Variants in CDYL2 observed in about 807,000 individuals in gnomAD.
CDYL2 encodes chromodomain Y like 2.
A neutral mutation model predicts 49.4 loss-of-function variants in CDYL2; 23 were observed. The ratio of observed to expected loss-of-function variants is 0.47; its 90% CI spans 0.34 to 0.66. CDYL2 has a LOEUF of 0.66. CDYL2 is among the 30% of genes least tolerant of loss of function. The probability of loss-of-function intolerance (pLI) is 0.01; values close to 1 mark genes in which losing one functional copy is unlikely to be tolerated. For missense variants in CDYL2, 678 were observed against 656.4 expected, an observed-to-expected ratio of 1.03 and a Z score of -0.36; for synonymous variants, 360 against 268.8, an observed-to-expected ratio of 1.34 and a Z score of -3.32.
At position 80,757,549 on chromosome 16, in the gene CDYL2, A is replaced by AT. The variant is rs1404612062; in HGVS notation, c.24+46600_24+46601insA. 7.3e-3 allele frequency among the ~76,000 whole-genome samples: 1,070 copies of AT among 146,390 alleles called. 7 individuals are homozygous for AT. The highest frequency in any genetic ancestry group is 0.022 in the African/African-American group (816 of 37,420). On this transcript the variant is annotated intron_variant, in intron 1 of 6. Coordinates refer to ENST00000570137, the MANE Select transcript of CDYL2 (RefSeq NM_152342.4). Reference sequence around the variant, plus strand: ...GCAAGACTCTGTCTCAAAAAAAAAAAAAAAATATATATATATATACACACA... The same window carrying AT: ...GCAAGACTCTGTCTCAAAAAAAAAAATAAAAATATATATATATATACACACA...
At chr16:80,778,736 A>G (rs1429080999) in intron 1 of CDYL2, among the ~76,000 whole-genome samples, 2 of 152,084 alleles carry the variant, frequency 1.3e-5, no homozygotes, top group Non-Finnish European at 2.9e-5. Context: ...TTTTGGAAAG[A>G]AATGGACTTG....
rs1362589212 is a variant in CDYL2 at position 80,677,753 on chromosome 16, A to T, written c.616+6785T>A. ...GACTCCATCTCAAAAAAATAAAAAT[A>T]AAAATAAAAATAAATAAATAAATAA... On this transcript the variant is annotated intron_variant, in intron 2 of 6. Coordinates refer to ENST00000570137, the MANE Select transcript of CDYL2 (RefSeq NM_152342.4). Among the ~76,000 whole-genome samples, 3 of 151,230 alleles carry T rather than the reference A, an allele frequency of 2.0e-5. No individual in the cohort carries two copies. The East Asian group carries it at 5.8e-4, about 29-fold the overall frequency.
intron 1 of CDYL2, among the ~76,000 whole-genome samples, chr16:80,781,670 A>C (rs1041872857): frequency 6.6e-6 from 1 of 152,146 alleles, no homozygotes; most frequent in African/African-American, 2.4e-5. Context: ...TTAAAATCTG[A>C]GAAAAAAAAG....
intron 1 of CDYL2, among the ~76,000 whole-genome samples, chr16:80,714,914 G>A (rs1904743995): frequency 1.3e-5 from 2 of 152,094 alleles, no homozygotes; most frequent in South Asian, 4.1e-4. Flanking sequence ...GGATTAAAAG[G>A]TGTTTCCATC....
At chr16:80,684,203 G>A (rs894116189) in intron 2 of CDYL2, among the ~76,000 whole-genome samples, 2 of 152,186 alleles carry the variant, frequency 1.3e-5, no homozygotes, top group Non-Finnish European at 2.9e-5. Context: ...CTTGGGTCCT[G>A]GGGGTGAGGA....
At chr16:80,752,782 C>T (rs561583977) in intron 1 of CDYL2, among the ~76,000 whole-genome samples, 4 of 152,300 alleles carry the variant, frequency 2.6e-5, no homozygotes, top group African/African-American at 9.6e-5. Context: ...CCCGCTGTGG[C>T]TGATGTCAGC....
intron 1 of CDYL2, among the ~76,000 whole-genome samples, chr16:80,713,449 C>T (rs569359483): frequency 6.5e-4 from 99 of 152,222 alleles, no homozygotes; most frequent in African/African-American, 2.3e-3. Context: ...CCATAGGTTA[C>T]TGTTCAGGAT....
chr16:80,803,481 A>C, intron 1 of CDYL2, among the ~76,000 whole-genome samples: 2 of 149,118 alleles, frequency 1.3e-5, no homozygotes, highest in East Asian at 2.0e-4. Flanking sequence ...GGCCACCCCC[A>C]CGCCCGAGCC....
At chr16:80,773,598 A>G (rs1906981076) in intron 1 of CDYL2, among the ~76,000 whole-genome samples, 2 of 152,334 alleles carry the variant, frequency 1.3e-5, no homozygotes, top group Admixed American at 6.5e-5. Flanking sequence ...AAAGTTAAAT[A>G]TCAGAGTATG....
chr16:80,706,252 C>T (rs1904401167), intron 1 of CDYL2, among the ~76,000 whole-genome samples: 1 of 152,220 alleles, frequency 6.6e-6, no homozygotes, highest in African/African-American at 2.4e-5. Context: ...AGTAACCTCT[C>T]GAGAACTTCA....
rs1005040489 is a variant in CDYL2, at chr16:80,602,769, G to A, written c.*1619C>T. 8.5e-5 allele frequency: 13 copies of A among 152,244 alleles called. No homozygotes were observed. The highest frequency in any genetic ancestry group is 1.2e-4 in the African/African-American group (5 of 41,440). The allele number at this position is 152,244 out of a possible 1,614,324, so 9.4% of individuals were successfully genotyped here. On this transcript the variant is annotated 3_prime_UTR_variant, in exon 7 of 7. Transcript: ENST00000570137. Reference sequence around the variant, plus strand: ...GAGGGCCAAGGGCCTCCAGGAATACGCAGGGGCTGTGATAGAAACGGAAAA... The same window carrying A: ...GAGGGCCAAGGGCCTCCAGGAATACACAGGGGCTGTGATAGAAACGGAAAA...
At position 80,604,349 on chromosome 16, in the gene CDYL2, G is replaced by A; in HGVS notation, c.*39C>T. The A allele has an allele frequency of 6.2e-7, 1 of 1,611,964 alleles. No homozygotes were observed. Among genetic ancestry groups the A allele is most frequent in the South Asian group, 1.1e-5 (1 of 91,038 alleles). On this transcript the variant is annotated 3_prime_UTR_variant, in exon 7 of 7. Transcript: ENST00000570137. Reference sequence around the variant, plus strand: ...CTGTGCTCTGGTTTCCGAAACACAGGGCAGAGCTGGAAGTTGGGGGCCCGT... The same window carrying A: ...CTGTGCTCTGGTTTCCGAAACACAGAGCAGAGCTGGAAGTTGGGGGCCCGT...
chr16:80,732,616 C>T (rs755965660), intron 1 of CDYL2, among the ~76,000 whole-genome samples: 3 of 152,124 alleles, frequency 2.0e-5, no homozygotes, highest in Non-Finnish European at 2.9e-5. Context: ...AATTTTGTAC[C>T]ATGAGCATGT....
intron 2 of CDYL2, among the ~76,000 whole-genome samples, chr16:80,682,549 G>A (rs909491843): frequency 6.6e-5 from 10 of 152,166 alleles, no homozygotes; most frequent in Admixed American, 3.3e-4. Flanking sequence ...TATGAGTCTG[G>A]CTTCTCTCCT....
At chr16:80,610,144 A>G (rs1179732917) in intron 5 of CDYL2, among the ~76,000 whole-genome samples, 1 of 152,214 alleles carries the variant, frequency 6.6e-6, no homozygotes, top group Non-Finnish European at 1.5e-5. Flanking sequence ...AGGAAAAGGG[A>G]CAATGCTTAT....
chr16:80,750,750 T>C lies in CDYL2; in HGVS notation c.24+53400A>G, dbSNP rs931676464. On this transcript the variant is annotated intron_variant, in intron 1 of 6. Transcript: ENST00000570137. ...ATAAACTATTTCAGGCTGGGCGCAG[T>C]GGCTCACGCCCGTAATCCCAGCACT... Among the ~76,000 whole-genome samples the C allele has an allele frequency of 2.0e-5, 3 of 152,326 alleles. No individual in the cohort carries two copies. The South Asian group carries it at 6.2e-4, about 32-fold the overall frequency.
intron 1 of CDYL2, among the ~76,000 whole-genome samples, chr16:80,700,417 T>C (rs967411699): frequency 1.3e-5 from 2 of 152,200 alleles, no homozygotes; most frequent in Middle Eastern, 3.2e-3. Context: ...TGAGAAAATA[T>C]TCACATTTGC....
At position 80,694,523 on chromosome 16, in the gene CDYL2, G is replaced by C. The variant is rs138007727; in HGVS notation, c.25-9394C>G. 1.5e-4 allele frequency among the ~76,000 whole-genome samples: 23 copies of C among 152,266 alleles called. 1 individual carries two copies. The East Asian group carries it at 4.4e-3, about 29-fold the overall frequency. ...AAGCTATAAATAAGCTAAAGGAGAA[G>C]ATTAGAATAAACCCTGGAATACTGA... On this transcript the variant is annotated intron_variant, in intron 1 of 6. Coordinates refer to ENST00000570137, the MANE Select transcript of CDYL2 (RefSeq NM_152342.4).
chr16:80,749,314 T>C (rs145762311), intron 1 of CDYL2, among the ~76,000 whole-genome samples: 2 of 152,322 alleles, frequency 1.3e-5, no homozygotes, highest in Non-Finnish European at 2.9e-5. Context: ...TGAAAATGCA[T>C]AAAGCAGTTG....
Sources: allele counts gnomAD v4.1 joint callset (sites outside exome capture counted in the v4.1 genomes callset), GRCh38; gene constraint gnomAD v4.1.1; transcripts MANE v1.5; gene names NCBI Gene and HGNC (gene_info 2026-07-23, HGNC 2026-07-21).